NTN4: variants seen among roughly 807,000 people sequenced by gnomAD.
NTN4 encodes netrin 4, also known as netrin-4.
Under a neutral mutation model 73.6 loss-of-function variants are expected in NTN4, and 32 were observed. The observed-to-expected ratio is 0.44, with a 90% CI of 0.33 to 0.58. The LOEUF (loss-of-function observed/expected upper bound fraction) is 0.58. Ranked by LOEUF, NTN4 falls within the 20% of genes least tolerant of loss-of-function variation. NTN4 has a pLI of 0.04. For synonymous variants in NTN4, 258 were observed against 287.5 expected, an observed-to-expected ratio of 0.90 and a Z score of 1.04; for missense variants, 654 against 798.3, an observed-to-expected ratio of 0.82 and a Z score of 2.18.
intron 2 of NTN4, among the ~76,000 whole-genome samples, chr12:95,776,580 G>C (rs967398406): frequency 6.6e-6 from 1 of 152,124 alleles, no homozygotes; most frequent in Admixed American, 6.5e-5. Flanking sequence ...GATCAAATGA[G>C]TGAAATGAAG....
At chr12:95,726,359 G>A (rs913751142) in intron 3 of NTN4, among the ~76,000 whole-genome samples, 1 of 152,028 alleles carries the variant, frequency 6.6e-6, no homozygotes, top group Admixed American at 6.6e-5. Flanking sequence ...TCACATAAAA[G>A]GAATAATACA....
At chr12:95,668,093 T>G (rs899045326) in intron 8 of NTN4, among the ~76,000 whole-genome samples, 17 of 151,986 alleles carry the variant, frequency 1.1e-4, no homozygotes, top group African/African-American at 3.9e-4. Flanking sequence ...TGTCTGTCAC[T>G]TCTATTGCTC....
chr12:95,787,132 A>T lies in NTN4; in HGVS notation c.392T>A (p.Ile131Asn). 1 of 1,614,164 alleles carries T rather than the reference A, an allele frequency of 6.2e-7. No homozygotes were observed. The highest frequency in any genetic ancestry group is 2.2e-5 in the East Asian group (1 of 44,890). The change falls in exon 2 of 10, where the codon ATT (isoleucine) becomes AAT (asparagine). Residue 131 changes from isoleucine (I) to asparagine (N), a missense_variant. Ile to Asn is a moderately radical substitution (Grantham distance 149, BLOSUM62 -3). Transcript: ENST00000343702. ...CGGCCTGGGGGACTTGAACATCACA[A>T]TTAGGTGAGTGAAGTAGAATTCAGC... The part of the protein sequence containing the change: ...LEAEFYFTHL[I>N]VMFKSPRPAA...
rs2078109312 is a variant in NTN4 at position 95,658,507 on chromosome 12, C to T, written c.*579G>A. The stretch of plus-strand genomic sequence containing the variant: ...TGCTGCTTCAGTAGGCTTTCTCACA[C>T]ACCCTTTTCCTTCTTTCAACAGCAG... On this transcript the variant is annotated 3_prime_UTR_variant, in exon 10 of 10. Coordinates refer to ENST00000343702, the MANE Select transcript of NTN4 (RefSeq NM_021229.4). 6.6e-6 allele frequency: 1 copy of T among 152,660 alleles called. No homozygotes were observed. Among genetic ancestry groups the T allele is most frequent in the Non-Finnish European group, 1.5e-5 (1 of 68,056 alleles). 9.5% of individuals were successfully genotyped at this position (152,660 alleles called of 1,614,324 possible). A position where few individuals can be genotyped will look rare whatever the true frequency, so the allele number is the denominator to read the frequency against.
chr12:95,779,159 C>G (rs1008396790), intron 2 of NTN4, among the ~76,000 whole-genome samples: 2 of 152,132 alleles, frequency 1.3e-5, no homozygotes, highest in African/African-American at 4.8e-5. Flanking sequence ...GGACGTATCT[C>G]AAAATAATAA....
At chr12:95,679,051 A>T (rs1213226744) in intron 7 of NTN4, among the ~76,000 whole-genome samples, 3 of 152,218 alleles carry the variant, frequency 2.0e-5, no homozygotes, top group Admixed American at 2.0e-4. Flanking sequence ...TAATATATAG[A>T]AAGGTATCTT....
At chr12:95,786,775 A>T (rs370520019) in intron 2 of NTN4, among the ~76,000 whole-genome samples, 164 bp downstream of exon 2, 7 of 152,216 alleles carry the variant, frequency 4.6e-5, no homozygotes, top group Non-Finnish European at 8.8e-5. Flanking sequence ...ATGACTACAC[A>T]TTCATATGTA....
At chr12:95,691,242 C>A (rs1350031268) in intron 5 of NTN4, among the ~76,000 whole-genome samples, 1 of 152,218 alleles carries the variant, frequency 6.6e-6, no homozygotes, top group East Asian at 1.9e-4. Context: ...GAAAAAGGAT[C>A]TCCTCAGGTT....
intron 5 of NTN4, among the ~76,000 whole-genome samples, chr12:95,700,270 T>A (rs1180456760): frequency 6.6e-6 from 1 of 150,834 alleles, no homozygotes; most frequent in African/African-American, 2.4e-5. Flanking sequence ...AGCTAATTAA[T>A]TTTTTTTTAA....
chr12:95,769,845 C>G (rs2079044935), intron 2 of NTN4, among the ~76,000 whole-genome samples: 1 of 148,424 alleles, frequency 6.7e-6, no homozygotes, highest in African/African-American at 2.5e-5. Flanking sequence ...CAACCTCCAT[C>G]TCCTGGGTTC....
intron 2 of NTN4, among the ~76,000 whole-genome samples, chr12:95,766,495 T>A (rs909666518): frequency 2.0e-5 from 3 of 152,220 alleles, no homozygotes; most frequent in Non-Finnish European, 4.4e-5. Context: ...TACAACAAGT[T>A]TTTTAGAAAG....
At chr12:95,767,986 C>A (rs1305532269) in intron 2 of NTN4, among the ~76,000 whole-genome samples, 1 of 152,228 alleles carries the variant, frequency 6.6e-6, no homozygotes, top group African/African-American at 2.4e-5. Context: ...ATCTCTCCAA[C>A]ACACTATTTA....
chr12:95,715,162 G>C (rs1592681375), intron 3 of NTN4, among the ~76,000 whole-genome samples: 1 of 152,270 alleles, frequency 6.6e-6, no homozygotes, highest in South Asian at 2.1e-4. Flanking sequence ...ACAGGGCTTA[G>C]AGGACTTCGG....
At chr12:95,699,060 A>G (rs558982996) in intron 5 of NTN4, among the ~76,000 whole-genome samples, 5 of 150,794 alleles carry the variant, frequency 3.3e-5, no homozygotes, top group South Asian at 2.1e-4. Flanking sequence ...AAAGTTTCCC[A>G]ACTATTACTG....
chr12:95,668,311 T>C (rs2078199046), intron 8 of NTN4, among the ~76,000 whole-genome samples: 1 of 152,198 alleles, frequency 6.6e-6, no homozygotes, highest in Non-Finnish European at 1.5e-5. Context: ...AGATTGGTTA[T>C]TTGTAAATTC....
At chr12:95,665,765 A>G (rs113303838) in intron 9 of NTN4, 45 bp downstream of exon 9, 1 of 1,472,462 alleles carries the variant, frequency 6.8e-7, no homozygotes, top group Admixed American at 2.0e-5. Flanking sequence ...GCAGCAAATC[A>G]GCAGAGACAA....
intron 5 of NTN4, among the ~76,000 whole-genome samples, chr12:95,702,957 G>A (rs758576305): frequency 6.7e-5 from 10 of 150,326 alleles, no homozygotes; most frequent in African/African-American, 1.5e-4. Flanking sequence ...TCCCAGGTGC[G>A]AGCGATTCTC....
rs150861427 is a variant in NTN4, at chr12:95,659,444, C to T, written c.1751-222G>A. Among the ~76,000 whole-genome samples, 371 of 152,114 alleles carry T rather than the reference C, an allele frequency of 2.4e-3. 1 individual carries two copies. The highest frequency in any genetic ancestry group is 8.4e-3 in the African/African-American group (350 of 41,490). ...CCAAGTACTTGGTACTACAGTTGTG[C>T]GCCACCACTCCCAGCTAATTTTTTC... On this transcript the variant is annotated intron_variant, in intron 9 of 9. Transcript: ENST00000343702.
intron 5 of NTN4, among the ~76,000 whole-genome samples, chr12:95,700,283 A>C (rs1264966999): frequency 6.6e-6 from 1 of 151,492 alleles, no homozygotes; most frequent in Non-Finnish European, 1.5e-5. Flanking sequence ...TTTTTTAAAG[A>C]GAGCTTATGC....
Sources: allele counts gnomAD v4.1 joint callset (sites outside exome capture counted in the v4.1 genomes callset), GRCh38; gene constraint gnomAD v4.1.1; transcripts MANE v1.5; gene names NCBI Gene and HGNC (gene_info 2026-07-23, HGNC 2026-07-21).